CHRM3: variants seen among roughly 807,000 people sequenced by gnomAD.
CHRM3 encodes muscarinic acetylcholine receptor M3.
In CHRM3, 11 loss-of-function variants were observed where a neutral mutation model predicts 41.8. The ratio of observed to expected loss-of-function variants is 0.26; its 90% CI spans 0.17 to 0.44. The LOEUF is 0.44. Ranked by LOEUF, CHRM3 falls within the 20% of genes least tolerant of loss-of-function variation. The pLI is 1.00. For missense variants in CHRM3, 571 were observed against 745.4 expected (o/e 0.77, Z 2.72); for synonymous variants, 297 against 301.4 (o/e 0.99, Z 0.15).
At chr1:239,613,803 C>T (rs912369946) in intron 3 of CHRM3, among the ~76,000 whole-genome samples, 3 of 151,844 alleles carry the variant, frequency 2.0e-5, no homozygotes, top group Non-Finnish European at 4.4e-5. Flanking sequence ...CACATACACT[C>T]AACCCGCAGT....
chr1:239,507,191 G>C (rs76856956), intron 2 of CHRM3, among the ~76,000 whole-genome samples: 2 of 152,132 alleles, frequency 1.3e-5, no homozygotes, highest in African/African-American at 4.8e-5. Context: ...GATTTGTGAA[G>C]GGCCAGGTGT....
intron 3 of CHRM3, among the ~76,000 whole-genome samples, chr1:239,605,489 T>C (rs559206174): frequency 6.6e-6 from 1 of 152,282 alleles, no homozygotes; most frequent in East Asian, 1.9e-4. Flanking sequence ...TAATAGCACA[T>C]TTCTTAGACT....
chr1:239,639,273 T>G (rs1258548420), intron 4 of CHRM3, among the ~76,000 whole-genome samples: 1 of 151,944 alleles, frequency 6.6e-6, no homozygotes, highest in Non-Finnish European at 1.5e-5. Flanking sequence ...ATATGAACTT[T>G]AAAGTAGTTT....
chr1:239,709,381 T>G (rs1205147521), intron 5 of CHRM3, among the ~76,000 whole-genome samples: 4 of 152,228 alleles, frequency 2.6e-5, no homozygotes, highest in Non-Finnish European at 5.9e-5. Flanking sequence ...ATAGTCATAC[T>G]CTTGACAATC....
At chr1:239,777,531 A>G (rs12408884) in intron 5 of CHRM3, among the ~76,000 whole-genome samples, 19,168 of 152,210 alleles carry the variant, frequency 0.13, 1,699 homozygotes, top group South Asian at 0.23. Flanking sequence ...TGTTAAATCT[A>G]TCACATCTAG....
chr1:239,835,424 G>A (rs925139882), intron 6 of CHRM3, among the ~76,000 whole-genome samples: 12 of 151,988 alleles, frequency 7.9e-5, no homozygotes, highest in South Asian at 2.1e-4. Context: ...CAAGTGCAAC[G>A]CAAATTGGGG....
chr1:239,858,086 A>C (rs2149256434), intron 6 of CHRM3, among the ~76,000 whole-genome samples: 1 of 152,334 alleles, frequency 6.6e-6, no homozygotes, highest in African/African-American at 2.4e-5. Context: ...TGGTTACCAA[A>C]GAGCAAGATG....
intron 6 of CHRM3, among the ~76,000 whole-genome samples, chr1:239,894,377 G>A (rs761069748): frequency 4.6e-5 from 7 of 152,178 alleles, no homozygotes; most frequent in South Asian, 2.1e-4. Flanking sequence ...GACCTCAGCC[G>A]TGAGTGTGTG....
intron 3 of CHRM3, among the ~76,000 whole-genome samples, chr1:239,622,335 T>G (rs569682876): frequency 6.6e-6 from 1 of 152,310 alleles, no homozygotes; most frequent in East Asian, 1.9e-4. Flanking sequence ...GTCTTACTAT[T>G]TTAAGAAATA....
intron 1 of CHRM3, among the ~76,000 whole-genome samples, chr1:239,484,082 G>T (rs747641550): frequency 1.3e-5 from 2 of 151,878 alleles, no homozygotes; most frequent in African/African-American, 2.4e-5. Context: ...AATGTTTCTG[G>T]ATGTATTCGT....
chr1:239,493,471 G>C (rs1667685648), intron 2 of CHRM3, among the ~76,000 whole-genome samples: 1 of 152,084 alleles, frequency 6.6e-6, no homozygotes, highest in South Asian at 2.1e-4. Flanking sequence ...AATTAATTGT[G>C]GGAAGATGTT....
chr1:239,556,784 A>G (rs1367536663), intron 3 of CHRM3, among the ~76,000 whole-genome samples: 6 of 152,134 alleles, frequency 3.9e-5, no homozygotes, highest in Non-Finnish European at 8.8e-5. Context: ...AGAAACCACT[A>G]TTTATAAAGA....
At chr1:239,893,746 A>AAT (rs1678746582) in intron 6 of CHRM3, among the ~76,000 whole-genome samples, 1 of 152,084 alleles carries the variant, frequency 6.6e-6, no homozygotes, top group African/African-American at 2.4e-5. Context: ...AAAAAAAAAA[A>AAT]AAAAAAGAAT....
intron 4 of CHRM3, among the ~76,000 whole-genome samples, chr1:239,656,331 T>TTA (rs1553355064): frequency 4.0e-5 from 6 of 150,924 alleles, no homozygotes; most frequent in Non-Finnish European, 5.9e-5. Context: ...TATTTTTTTT[T>TTA]AAAAAAAGGG....
At chr1:239,430,268 C>T (rs1164832162) in intron 1 of CHRM3, among the ~76,000 whole-genome samples, 2 of 151,990 alleles carry the variant, frequency 1.3e-5, no homozygotes, top group Non-Finnish European at 2.9e-5. Flanking sequence ...ACCCAGCCCC[C>T]AGACAATCTT....
chr1:239,733,282 G>A (rs1664118985), intron 5 of CHRM3, among the ~76,000 whole-genome samples: 1 of 152,024 alleles, frequency 6.6e-6, no homozygotes, highest in Admixed American at 6.6e-5. Context: ...TGTGGCTCCA[G>A]CATCTGGAGA....
At chr1:239,717,389 A>G (rs1477023223) in intron 5 of CHRM3, among the ~76,000 whole-genome samples, 2 of 152,112 alleles carry the variant, frequency 1.3e-5, no homozygotes, top group Non-Finnish European at 2.9e-5. Context: ...TTTGGAATAA[A>G]GTTGAAACAT....
At chr1:239,659,608 T>G (rs990722429) in intron 4 of CHRM3, among the ~76,000 whole-genome samples, 1 of 152,230 alleles carries the variant, frequency 6.6e-6, no homozygotes, top group African/African-American at 2.4e-5. Context: ...GAAATTTTAA[T>G]TCTTTGTCTT....
At chr1:239,697,449 A>G (rs1254739431) in intron 5 of CHRM3, among the ~76,000 whole-genome samples, 2 of 152,134 alleles carry the variant, frequency 1.3e-5, no homozygotes, top group African/African-American at 4.8e-5. Flanking sequence ...TGACTAATAC[A>G]ATGTCATACA....
Sources: gnomAD v4.1 joint callset for allele counts (sites outside exome capture counted in the v4.1 genomes callset) on GRCh38, gnomAD v4.1.1 for gene constraint, MANE v1.5 for transcripts, NCBI Gene and HGNC (gene_info 2026-07-23, HGNC 2026-07-21) for gene names.